Variants in HAGH observed in about 807,000 individuals in gnomAD.
HAGH encodes hydroxyacylglutathione hydrolase.
Under a neutral mutation model 35.1 loss-of-function variants are expected in HAGH, and 29 were observed. The observed-to-expected ratio is 0.83, with a 90% CI of 0.62 to 1.13. HAGH has a LOEUF of 1.13. Ranked by LOEUF, HAGH falls within the 50% of genes most tolerant of loss-of-function variation. The pLI is 0.00. For synonymous variants in HAGH, 225 were observed against 176.1 expected, an observed-to-expected ratio of 1.28 and a Z score of -2.20; for missense variants, 478 against 419.6, an observed-to-expected ratio of 1.14 and a Z score of -1.22.
At chr16:1,822,269 C>G (rs559372354) in intron 3 of HAGH, 31 bp downstream of exon 3, 2 of 1,494,440 alleles carry the variant, frequency 1.3e-6, no homozygotes, top group East Asian at 4.5e-5. Flanking sequence ...TGAGCCAGGT[C>G]CCACACCCCC....
intron 7 of HAGH, among the ~76,000 whole-genome samples, chr16:1,811,747 C>G (rs1263288256): frequency 6.6e-6 from 1 of 152,018 alleles, no homozygotes; most frequent in Non-Finnish European, 1.5e-5. Context: ...TAAGGTCAGT[C>G]CTTGCAGCAC....
At position 1,816,944 on chromosome 16, in the gene HAGH, G is replaced by C. The variant is rs1189952442; in HGVS notation, c.696C>G (p.Arg232=). The C allele has an allele frequency of 1.2e-6, 2 of 1,613,844 alleles. No individual in the cohort carries two copies. Among genetic ancestry groups the C allele is most frequent in the Non-Finnish European group, 1.7e-6 (2 of 1,179,848 alleles). Residue 232 remains arginine, a synonymous_variant, in exon 7 of 9, where the codon CGC becomes CGG. Transcript: ENST00000397356. ...EYTINNLKFA[R]HVEPGNAAIR... ...TGGCGGCATTGCCGGGCTCCACGTGGCGTGCAAACTTGAGGTTGTTGATGG... is the reference window on the plus strand; with the variant it reads ...TGGCGGCATTGCCGGGCTCCACGTGCCGTGCAAACTTGAGGTTGTTGATGG...
intron 7 of HAGH, among the ~76,000 whole-genome samples, chr16:1,812,180 A>C (rs1897678076): frequency 7.7e-6 from 1 of 130,452 alleles, no homozygotes; most frequent in Non-Finnish European, 1.6e-5. Context: ...GCAGAGCAAG[A>C]CGCTGTCTCT....
chr16:1,813,277 C>G (rs1897745785), intron 7 of HAGH, among the ~76,000 whole-genome samples: 1 of 152,216 alleles, frequency 6.6e-6, no homozygotes, highest in South Asian at 2.1e-4. Flanking sequence ...CCCACCAGCT[C>G]CTTTCGCCTT....
chr16:1,807,822 C>T lies in HAGH; in HGVS notation c.*1461G>A, dbSNP rs1567248313. 1 of 134,112 alleles carries T rather than the reference C, an allele frequency of 7.5e-6. No individual in the cohort carries two copies. The allele number at this position is 134,112 out of a possible 1,614,324, so 8.3% of individuals were successfully genotyped here. ...GAGTATGCGAACAGACCAGTGACCC[C>T]TCCGGGGGGAGGGCATGCATGTGGT... On this transcript the variant is annotated 3_prime_UTR_variant, in exon 9 of 9. Transcript: ENST00000397356.
At chr16:1,814,763 T>A (rs1897812577) in intron 7 of HAGH, among the ~76,000 whole-genome samples, 1 of 151,870 alleles carries the variant, frequency 6.6e-6, no homozygotes, top group Admixed American at 6.6e-5. Flanking sequence ...CTGGGCGTGG[T>A]GACGGGCACC....
rs759677550 is a variant in HAGH, at chr16:1,816,937, C to T, written c.703G>A (p.Glu235Lys). The T allele has an allele frequency of 6.2e-7, 1 of 1,613,982 alleles. No individual in the cohort carries two copies. The highest frequency in any genetic ancestry group is 8.5e-7 in the Non-Finnish European group (1 of 1,179,862). ...TCCCGGATGGCGGCATTGCCGGGCT[C>T]CACGTGGCGTGCAAACTTGAGGTTG... is the stretch of plus-strand genomic sequence containing the variant. ...INNLKFARHV[E>K]PGNAAIREKL... The change falls in exon 7 of 9, where the codon GAG (glutamate) becomes AAG (lysine). Residue 235 changes from glutamate to lysine, a missense_variant. Coordinates refer to ENST00000397356, the MANE Select transcript of HAGH (RefSeq NM_005326.6).
chr16:1,813,996 G>C (rs563648576), intron 7 of HAGH, among the ~76,000 whole-genome samples: 1 of 152,162 alleles, frequency 6.6e-6, no homozygotes. Context: ...ATCACACTGC[G>C]AGAGGGTGAA....
At chr16:1,814,460 G>C (rs1376217097) in intron 7 of HAGH, among the ~76,000 whole-genome samples, 1 of 144,508 alleles carries the variant, frequency 6.9e-6, no homozygotes, top group Non-Finnish European at 1.5e-5. Context: ...GGCAACAAGA[G>C]TGAAACTCCG....
At chr16:1,822,204 C>T in intron 3 of HAGH, 96 bp downstream of exon 3, 1 of 778,338 alleles carries the variant, frequency 1.3e-6, no homozygotes, top group South Asian at 1.5e-5. Flanking sequence ...ACAAAGCAGA[C>T]AGAGCCGTGG....
intron 5 of HAGH, chr16:1,818,660 C>A (rs1467845527): frequency 6.3e-6 from 1 of 159,106 alleles, no homozygotes; most frequent in Non-Finnish European, 1.4e-5. Flanking sequence ...CATGAAGGGC[C>A]CGGCCTACAG....
chr16:1,814,912 T>G (rs1397568293), intron 7 of HAGH, among the ~76,000 whole-genome samples: 1 of 127,866 alleles, frequency 7.8e-6, no homozygotes. Flanking sequence ...AACAAACAAA[T>G]AAATATATAT....
chr16:1,812,747 T>C (rs1286707449), intron 7 of HAGH, among the ~76,000 whole-genome samples: 1 of 152,118 alleles, frequency 6.6e-6, no homozygotes, highest in Non-Finnish European at 1.5e-5. Context: ...TCATTAAAAT[T>C]AAAAATGTTG....
intron 5 of HAGH, 125 bp downstream of exon 5, chr16:1,818,990 C>T (rs911089821): frequency 9.2e-6 from 6 of 654,454 alleles, no homozygotes; most frequent in African/African-American, 9.0e-5. Flanking sequence ...CCCCAGCACC[C>T]ACCCCTGGGC....
At chr16:1,809,414 GC>G in intron 8 of HAGH, 32 bp from the exon 9 acceptor site, 1 of 1,554,742 alleles carries the variant, frequency 6.4e-7, no homozygotes, top group Non-Finnish European at 8.8e-7. Context: ...TGCAGGCTGT[GC>G]CGAGCCACGC....
intron 4 of HAGH, among the ~76,000 whole-genome samples, chr16:1,819,489 G>A (rs946714563): frequency 6.6e-6 from 1 of 152,192 alleles, no homozygotes; most frequent in African/African-American, 2.4e-5. Context: ...ATCCACGCTC[G>A]CCGTCTGGCT....
rs747188644 is a variant in HAGH, at chr16:1,816,927, T to C, written c.713A>G (p.Asn238Ser). Residue 238 changes from asparagine (N) to serine (S), a missense_variant, in exon 7 of 9, where the codon AAT (asparagine) becomes AGT (serine). Asn to Ser is a conservative substitution (Grantham distance 46, BLOSUM62 1). Coordinates refer to ENST00000397356, the MANE Select transcript of HAGH (RefSeq NM_005326.6). ...LKFARHVEPGNAAIREKLAWA... is the reference protein window; with the variant it reads ...LKFARHVEPGSAAIREKLAWA... ...GGCCAGCTTCTCCCGGATGGCGGCATTGCCGGGCTCCACGTGGCGTGCAAA... is the reference window on the plus strand; with the variant it reads ...GGCCAGCTTCTCCCGGATGGCGGCACTGCCGGGCTCCACGTGGCGTGCAAA... 14 of 1,613,680 alleles carry C rather than the reference T, an allele frequency of 8.7e-6. No homozygotes were observed. The East Asian group carries it at 1.1e-4, about 13-fold the overall frequency.
At chr16:1,819,551 T>C (rs142209184) in intron 4 of HAGH, among the ~76,000 whole-genome samples, 4 of 152,288 alleles carry the variant, frequency 2.6e-5, no homozygotes, top group African/African-American at 7.2e-5. Context: ...CCTGTCCCCA[T>C]CTGCCCCAAT....
chr16:1,819,615 G>T (rs2076456), intron 4 of HAGH, among the ~76,000 whole-genome samples: 21,624 of 152,086 alleles, frequency 0.14, 1,819 homozygotes, highest in South Asian at 0.21. Flanking sequence ...ACCCTCGCAG[G>T]GCCCTCCCAC....
Sources: allele counts gnomAD v4.1 joint callset (sites outside exome capture counted in the v4.1 genomes callset), GRCh38; gene constraint gnomAD v4.1.1; transcripts MANE v1.5; gene names NCBI Gene and HGNC (gene_info 2026-07-23, HGNC 2026-07-21).